The following APAF1 variants were observed in gnomAD, a reference collection of about 807,000 sequenced individuals.
The protein encoded by APAF1 is apoptotic protease-activating factor 1.
A neutral mutation model predicts 152.4 loss-of-function variants in APAF1; 91 were observed. That is an observed-to-expected ratio of 0.60 (90% CI 0.50 to 0.71). The LOEUF (loss-of-function observed/expected upper bound fraction) is 0.71. Ranked by LOEUF, APAF1 falls within the 30% of genes least tolerant of loss-of-function variation. APAF1 has a pLI of 0.00. For synonymous variants in APAF1, 484 were observed against 494.1 expected, an observed-to-expected ratio of 0.98 and a Z score of 0.27; for missense variants, 1,283 against 1,472.0, an observed-to-expected ratio of 0.87 and a Z score of 2.10.
chr12:98,710,793 A>G (rs1020868885), intron 20 of APAF1, among the ~76,000 whole-genome samples: 2 of 152,210 alleles, frequency 1.3e-5, no homozygotes, highest in Non-Finnish European at 2.9e-5. Context: ...ACTTTTCACT[A>G]AGGAGACCTA....
At chr12:98,672,220 A>G (rs1412162013) in intron 12 of APAF1, among the ~76,000 whole-genome samples, 1 of 152,008 alleles carries the variant, frequency 6.6e-6, no homozygotes, top group Non-Finnish European at 1.5e-5. Flanking sequence ...GCTGGAGTGC[A>G]GTGGTGTGAT....
rs955143409 is a variant in APAF1, at chr12:98,733,796, C to G, written c.*1230C>G. On this transcript the variant is annotated 3_prime_UTR_variant, in exon 27 of 27. Coordinates refer to ENST00000551964, the MANE Select transcript of APAF1 (RefSeq NM_181861.2). ...GAAAGAGTAGATTTTATTGGTCTAC[C>G]CTTTTCTCACTGTAGCTGCTGGCAG... 3.9e-5 allele frequency: 6 copies of G among 152,228 alleles called. No homozygotes were observed. The highest frequency in any genetic ancestry group is 1.2e-4 in the African/African-American group (5 of 41,526). 9.4% of individuals were successfully genotyped at this position (152,228 alleles called of 1,614,324 possible).
intron 15 of APAF1, among the ~76,000 whole-genome samples, chr12:98,683,789 G>A (rs1313444285): frequency 6.6e-6 from 1 of 152,190 alleles, no homozygotes; most frequent in African/African-American, 2.4e-5. Flanking sequence ...ATATGGAAGT[G>A]GGACAAATGA....
chr12:98,656,147 C>CG (rs928564751), intron 4 of APAF1, among the ~76,000 whole-genome samples: 18 of 152,060 alleles, frequency 1.2e-4, no homozygotes, highest in African/African-American at 4.1e-4. Context: ...AGGCTGGTCT[C>CG]GAAATTCTGG....
Position 98,653,695 on chromosome 12 carries a change from T to A in APAF1, c.526+4011T>A, listed in dbSNP as rs866546972. 3.8e-4 allele frequency among the ~76,000 whole-genome samples: 28 copies of A among 73,640 alleles called. 1 individual carries two copies. Among genetic ancestry groups the A allele is most frequent in the African/African-American group, 9.8e-4 (16 of 16,342 alleles). The allele number at this position is 73,640 out of a possible 152,430, so 48.3% of individuals were successfully genotyped here. ...AAAAAAAAAAAAAAAAAAAAAAATA[T>A]ATATATATATATATATATATATATA... On this transcript the variant is annotated intron_variant, in intron 4 of 26. Transcript: ENST00000551964.
chr12:98,676,163 A>G (rs1305383655), intron 12 of APAF1, among the ~76,000 whole-genome samples: 1 of 152,148 alleles, frequency 6.6e-6, no homozygotes, highest in African/African-American at 2.4e-5. Context: ...CTGTCACTGC[A>G]CTAATAGTTT....
At chr12:98,706,463 A>G (rs1338739620) in intron 18 of APAF1, 22 bp from the exon 19 acceptor site, 4 of 1,613,502 alleles carry the variant, frequency 2.5e-6, no homozygotes, top group Admixed American at 3.3e-5. Flanking sequence ...GTGATTTCCT[A>G]TATGCTGTGT....
chr12:98,706,758 T>G, intron 19 of APAF1, 148 bp downstream of exon 19: 1 of 895,866 alleles, frequency 1.1e-6, no homozygotes, highest in Non-Finnish European at 1.8e-6. Context: ...TGCTGTTATA[T>G]GGACTGTAAC....
intron 26 of APAF1, among the ~76,000 whole-genome samples, chr12:98,728,132 G>C (rs1473550021): frequency 1.3e-5 from 2 of 152,128 alleles, no homozygotes; most frequent in Non-Finnish European, 2.9e-5. Flanking sequence ...TCAATCCAGA[G>C]CTGTCATACT....
At chr12:98,672,208 A>G (rs775738729) in intron 12 of APAF1, among the ~76,000 whole-genome samples, 1 of 152,098 alleles carries the variant, frequency 6.6e-6, no homozygotes, top group Non-Finnish European at 1.5e-5. Context: ...TATGTTGCCA[A>G]GGCTGGAGTG....
intron 16 of APAF1, among the ~76,000 whole-genome samples, chr12:98,688,797 TTACTC>T (rs2097700901): frequency 6.6e-6 from 1 of 151,774 alleles, no homozygotes; most frequent in African/African-American, 2.4e-5. Context: ...TTCTTTTTCT[TTACTC>T]TTCTCTTTTC....
intron 20 of APAF1, among the ~76,000 whole-genome samples, chr12:98,711,433 GAGA>G (rs1312249296): frequency 6.6e-6 from 1 of 152,098 alleles, no homozygotes; most frequent in Non-Finnish European, 1.5e-5. Flanking sequence ...TGATTTTTGA[GAGA>G]AGATGTTCAG....
chr12:98,670,178 G>A lies in APAF1; in HGVS notation c.1495-795G>A, dbSNP rs951298226. 8.6e-5 allele frequency among the ~76,000 whole-genome samples: 13 copies of A among 152,032 alleles called. No homozygotes were observed. In the South Asian group the frequency reaches 1.2e-3, roughly 15 times the overall value. The stretch of plus-strand genomic sequence containing the variant: ...CAGGCTGATCTTGACCCCTGGGCTC[G>A]AGTAATCCACCCTCTTCAGCCTCTC... On this transcript the variant is annotated intron_variant, in intron 10 of 26. Transcript: ENST00000551964.
chr12:98,703,580 A>C, intron 18 of APAF1, 81 bp downstream of exon 18: 2 of 1,536,910 alleles, frequency 1.3e-6, no homozygotes, highest in Non-Finnish European at 1.8e-6. Flanking sequence ...TAAACCATTA[A>C]CTGCTGAGGA....
intron 15 of APAF1, among the ~76,000 whole-genome samples, 167 bp downstream of exon 15, chr12:98,683,441 T>C (rs1279539721): frequency 6.6e-6 from 1 of 152,228 alleles, no homozygotes; most frequent in Non-Finnish European, 1.5e-5. Flanking sequence ...AATATTTTAT[T>C]GGCTCATGTA....
intron 4 of APAF1, among the ~76,000 whole-genome samples, chr12:98,656,470 C>T (rs1353529084): frequency 6.6e-6 from 1 of 152,214 alleles, no homozygotes; most frequent in Non-Finnish European, 1.5e-5. Context: ...GATAATCAAA[C>T]CAGGCTTCAC....
chr12:98,725,941 A>C (rs2153344861), intron 25 of APAF1, among the ~76,000 whole-genome samples: 1 of 152,322 alleles, frequency 6.6e-6, no homozygotes, highest in Admixed American at 6.5e-5. Context: ...TGCTGAAAGA[A>C]AAGATCTCTT....
intron 16 of APAF1, among the ~76,000 whole-genome samples, chr12:98,692,730 CT>C (rs1351072580): frequency 1.3e-5 from 2 of 152,122 alleles, no homozygotes; most frequent in African/African-American, 2.4e-5. Flanking sequence ...TGATTTTATT[CT>C]TTTTTATGGC....
At chr12:98,662,858 CCTTTTGTT>C in intron 7 of APAF1, 52 bp downstream of exon 7, 1 of 1,559,962 alleles carries the variant, frequency 6.4e-7, no homozygotes, top group Non-Finnish European at 8.8e-7. Flanking sequence ...ATATAATTTC[CCTTTTGTT>C]AATTGAGCTA....
Sources: allele counts gnomAD v4.1 joint callset (sites outside exome capture counted in the v4.1 genomes callset), GRCh38; gene constraint gnomAD v4.1.1; transcripts MANE v1.5; gene names NCBI Gene and HGNC (gene_info 2026-07-23, HGNC 2026-07-21).